The following ANO7 variants were observed in gnomAD, a reference collection of about 807,000 sequenced individuals.
ANO7 encodes the protein anoctamin-7.
A neutral mutation model predicts 115.8 loss-of-function variants in ANO7; 114 were observed. The observed-to-expected ratio is 0.98, with a 90% CI of 0.85 to 1.15. The LOEUF is 1.15. ANO7 is among the 50% of genes most tolerant of loss of function. ANO7 has a pLI of 0.00. For synonymous variants in ANO7, 550 were observed against 498.2 expected (o/e 1.10, Z -1.38); for missense variants, 1,302 against 1,201.2 (o/e 1.08, Z -1.24).
chr2:241,235,156 G>T, the ANO7 span: 1 of 1,613,954 alleles, frequency 6.2e-7, no homozygotes, highest in Non-Finnish European at 8.5e-7. Context: ...TCCTTCACAC[G>T]CTCCAGCAGT....
In ANO7 at chr2:241,224,229, C is replaced by T. The variant is rs951067581; in HGVS notation, c.*76C>T. On this transcript the variant is annotated 3_prime_UTR_variant, in exon 25 of 25. Transcript: ENST00000674324. ...CTGCGAGCAGCGTCCTTTTCCTCTT[C>T]CCTCAGGCAGCGGCTGTGTGAACCG... 4.6e-6 allele frequency: 7 copies of T among 1,527,182 alleles called. No individual in the cohort carries two copies. Among genetic ancestry groups the T allele is most frequent in the Middle Eastern group, 3.5e-4 (2 of 5,770 alleles). 94.6% of individuals were successfully genotyped at this position (1,527,182 alleles called of 1,614,324 possible).
At position 241,201,422 on chromosome 2, in the gene ANO7, A is replaced by C. The variant is rs2068469710; in HGVS notation, c.612+67A>C. 2.6e-6 allele frequency: 4 copies of C among 1,542,446 alleles called. No homozygotes were observed. In the Admixed American group the frequency reaches 7.2e-5, roughly 28 times the overall value. The stretch of plus-strand genomic sequence containing the variant: ...GGCTCTGAGGATCCTGCCAGCCCCC[A>C]GCCTCCATGGATGCAGAAAGGCCTG... On this transcript the variant is annotated intron_variant, in intron 7 of 24. Coordinates refer to ENST00000674324, the MANE Select transcript of ANO7 (RefSeq NM_001370694.2).
the ANO7 span, chr2:241,239,471 G>T: frequency 1.4e-6 from 1 of 692,508 alleles, no homozygotes. The surrounding 1 kb of genome is among the most constrained non-coding windows in gnomAD (Gnocchi z 4.6). Context: ...GCACCAGAAA[G>T]CCCCTTCTGA....
At chr2:241,239,679 C>T in the ANO7 span, 23 of 1,614,068 alleles carry the variant, frequency 1.4e-5, no homozygotes, top group African/African-American at 2.3e-4. The surrounding 1 kb of genome is among the most constrained non-coding windows in gnomAD (Gnocchi z 4.6). Context: ...GTGACTTTGT[C>T]GCTCTGTGTG....
At chr2:241,235,353 C>T in the ANO7 span, 2 of 1,562,158 alleles carry the variant, frequency 1.3e-6, no homozygotes, top group East Asian at 2.2e-5. Flanking sequence ...GGAAGGCCAC[C>T]CGCCGTGAAG....
chr2:241,189,802 G>A (rs2068146999), intron 1 of ANO7, among the ~76,000 whole-genome samples: 1 of 152,184 alleles, frequency 6.6e-6, no homozygotes, highest in African/African-American at 2.4e-5. Flanking sequence ...TCACTGGATG[G>A]ACAGACAGAC....
chr2:241,217,507 C>G, intron 19 of ANO7, 179 bp from the exon 20 acceptor site: 1 of 687,194 alleles, frequency 1.5e-6, no homozygotes, highest in Non-Finnish European at 2.4e-6. Flanking sequence ...TGAGGCCGGT[C>G]AGGAGAGGCG....
chr2:241,202,127 A>G, intron 7 of ANO7, 67 bp from the exon 8 acceptor site: 1 of 1,379,974 alleles, frequency 7.2e-7, no homozygotes, highest in South Asian at 1.2e-5. Flanking sequence ...AAGACAGGCT[A>G]GCTAGGACTT....
At position 241,210,399 on chromosome 2, in the gene ANO7, C is replaced by T. The variant is rs1022447518; in HGVS notation, c.1458+6C>T. The T allele has an allele frequency of 6.2e-7, 1 of 1,613,986 alleles. No individual in the cohort carries two copies. Among genetic ancestry groups the T allele is most frequent in the African/African-American group, 1.3e-5 (1 of 75,070 alleles). ...ACACCCTTCTCGCAGCCTGGGTGAG[C>T]CTCTGCTGCCTGCCTCGGGGGGCCC... On this transcript the variant is annotated splice_donor_region_variant and intron_variant, in intron 14 of 24. Transcript: ENST00000674324.
At chr2:241,195,605 G>C in intron 3 of ANO7, 98 bp from the exon 4 acceptor site, 1 of 1,222,912 alleles carries the variant, frequency 8.2e-7, no homozygotes, top group South Asian at 1.4e-5. Context: ...CAAGTGCATG[G>C]CTCCCCACTG....
At chr2:241,230,380 C>T (rs1218290763), downstream of ANO7, 9 of 746,042 alleles carry the variant, frequency 1.2e-5, no homozygotes, top group Non-Finnish European at 2.0e-5. The surrounding 1 kb of genome is among the most constrained non-coding windows in gnomAD (Gnocchi z 5.0). Flanking sequence ...GTTTTAAAAT[C>T]TGGTTTCAGA....
intron 18 of ANO7, 44 bp downstream of exon 18, chr2:241,214,946 G>A: frequency 1.3e-6 from 2 of 1,575,878 alleles, no homozygotes; most frequent in Non-Finnish European, 1.7e-6. Context: ...AGGACCGAGG[G>A]ACCCCAGAGC....
At chr2:241,226,953 T>C (rs1248122273), downstream of ANO7, among the ~76,000 whole-genome samples, 1 of 152,002 alleles carries the variant, frequency 6.6e-6, no homozygotes, top group South Asian at 2.1e-4. Context: ...ACAGGCCGGG[T>C]CCAGGGTGCC....
Position 241,203,519 on chromosome 2 carries a change from C to G in ANO7, c.889+21C>G. 7.0e-7 allele frequency: 1 copy of G among 1,438,254 alleles called. No individual in the cohort carries two copies. The highest frequency in any genetic ancestry group is 1.5e-5 in the South Asian group (1 of 67,686). 89.1% of individuals were successfully genotyped at this position (1,438,254 alleles called of 1,614,324 possible). A position where few individuals can be genotyped will look rare whatever the true frequency, so the allele number is the denominator to read the frequency against. On this transcript the variant is annotated intron_variant, in intron 9 of 24. Transcript: ENST00000674324. The surrounding 1 kb of genome is among the most constrained non-coding windows in gnomAD (Gnocchi z 4.8). ...GCTCGGTGAGTCCCCCCCGCTGCCC[C>G]CCAGACCACCTGGGCCCCCCCAGCT...
chr2:241,230,015 C>A, downstream of ANO7: 1 of 1,570,082 alleles, frequency 6.4e-7, no homozygotes, highest in Non-Finnish European at 8.6e-7. The surrounding 1 kb of genome is among the most constrained non-coding windows in gnomAD (Gnocchi z 5.0). Flanking sequence ...CCCCAGCATC[C>A]CGCCCGCCTG....
At chr2:241,208,155 G>A (rs564138789) in intron 11 of ANO7, among the ~76,000 whole-genome samples, 31 of 152,344 alleles carry the variant, frequency 2.0e-4, no homozygotes, top group Admixed American at 1.9e-3. Flanking sequence ...TACCCCACAT[G>A]CACTGGACCC....
chr2:241,190,467 T>C (rs905589482), intron 2 of ANO7, among the ~76,000 whole-genome samples: 1 of 152,062 alleles, frequency 6.6e-6, no homozygotes, highest in Admixed American at 6.5e-5. Context: ...GGCGGGGCCC[T>C]CCCTGTGGTG....
the ANO7 span, chr2:241,236,273 TCA>T: frequency 3.1e-6 from 1 of 319,964 alleles, no homozygotes; most frequent in Admixed American, 4.6e-5. Context: ...ATAACCCCAC[TCA>T]CGCGGGGGGA....
chr2:241,220,719 G>A (rs897525023), intron 21 of ANO7, among the ~76,000 whole-genome samples: 4 of 152,354 alleles, frequency 2.6e-5, no homozygotes, highest in Middle Eastern at 3.4e-3. Flanking sequence ...AGAATGGCGT[G>A]AATCCAGGAG....
Sources: allele counts gnomAD v4.1 joint callset (sites outside exome capture counted in the v4.1 genomes callset), GRCh38; gene constraint gnomAD v4.1.1; non-coding constraint Gnocchi (gnomAD v3.1); transcripts MANE v1.5; gene names NCBI Gene and HGNC (gene_info 2026-07-23, HGNC 2026-07-21).